Variants in PDXDC1 observed in about 807,000 individuals in gnomAD.
PDXDC1 encodes the protein pyridoxal dependent decarboxylase domain containing 1.
A neutral mutation model predicts 100.1 loss-of-function variants in PDXDC1; 42 were observed. That is an observed-to-expected ratio of 0.42 (90% CI 0.33 to 0.54). The LOEUF (loss-of-function observed/expected upper bound fraction) is 0.54, where lower values mean the gene tolerates loss of function less well. PDXDC1 is among the 20% of genes least tolerant of loss of function. PDXDC1 has a pLI of 0.10. For missense variants in PDXDC1, 636 were observed against 979.2 expected (o/e 0.65, Z 4.68); for synonymous variants, 260 against 371.7 (o/e 0.70, Z 3.46).
At chr16:15,044,689 G>C (rs1275948543) in intron 16 of PDXDC1, 10 of 498,786 alleles carry the variant, frequency 2.0e-5, no homozygotes, top group Non-Finnish European at 3.2e-5. Context: ...TGCTCTGGAA[G>C]AGCACAGGCA....
chr16:15,137,280 G>A (rs1028531216), intron 16 of PDXDC1: 7 of 836,856 alleles, frequency 8.4e-6, no homozygotes, highest in Non-Finnish European at 1.3e-5. Flanking sequence ...TGCTGGAGGA[G>A]GGTGGGGCCC....
chr16:15,028,286 C>T (rs2042780216), intron 14 of PDXDC1, among the ~76,000 whole-genome samples: 1 of 152,296 alleles, frequency 6.6e-6, no homozygotes, highest in African/African-American at 2.4e-5. Context: ...GCCAGCTCCT[C>T]CTCACCATTT....
chr16:15,089,573 G>A (rs2046037581), intron 16 of PDXDC1, among the ~76,000 whole-genome samples: 2 of 151,962 alleles, frequency 1.3e-5, no homozygotes. Flanking sequence ...GGCCAAGGCG[G>A]GCGGATCACG....
At position 15,104,582 on chromosome 16, in the gene PDXDC1, G is replaced by C. The variant is rs779033142; in HGVS notation, c.1400-34297G>C. The C allele has an allele frequency of 1.0e-4, 165 of 1,599,552 alleles. 1 individual carries two copies. Among genetic ancestry groups the C allele is most frequent in the Admixed American group, 1.5e-4 (9 of 59,910 alleles). On this transcript the variant is annotated intron_variant, in intron 16 of 16. Transcript: ENST00000535621. ...GATTATCATCCGCTGAGGGTGGAAGGGGATAGAGCAGACACTCCGCAGGTG... is the reference window on the plus strand; with the variant it reads ...GATTATCATCCGCTGAGGGTGGAAGCGGATAGAGCAGACACTCCGCAGGTG...
intron 16 of PDXDC1, chr16:15,131,731 G>A (rs2048071653): frequency 6.3e-6 from 8 of 1,274,170 alleles, no homozygotes; most frequent in Non-Finnish European, 8.3e-6. Flanking sequence ...TGAGGTCAGT[G>A]CAGAGACAGG....
intron 16 of PDXDC1, among the ~76,000 whole-genome samples, chr16:15,081,172 T>C (rs1281544255): frequency 6.6e-6 from 1 of 152,248 alleles, no homozygotes; most frequent in East Asian, 1.9e-4. Context: ...GATGCTGCTA[T>C]GACCATCCAT....
intron 14 of PDXDC1, among the ~76,000 whole-genome samples, chr16:15,027,716 G>A (rs1474172489): frequency 5.3e-5 from 8 of 152,272 alleles, no homozygotes; most frequent in Admixed American, 2.0e-4. Context: ...CTCTTCTGCC[G>A]GCCTGCTCTC....
intron 1 of PDXDC1, among the ~76,000 whole-genome samples, chr16:14,981,435 C>T (rs1487665151): frequency 2.0e-5 from 3 of 152,286 alleles, no homozygotes; most frequent in Non-Finnish European, 4.4e-5. Flanking sequence ...TTAAACACTG[C>T]CTATAAAGCT....
At position 15,016,098 on chromosome 16, in the gene PDXDC1, C is replaced by A. The variant is rs551870023; in HGVS notation, c.728-31C>A. On this transcript the variant is annotated intron_variant, in intron 8 of 22. Coordinates refer to ENST00000396410, the MANE Select transcript of PDXDC1 (RefSeq NM_015027.4). ...TATAAAGCCTTAGAAAACATTTGTT[C>A]CTTTTAATGCCCTGATGTGTTTTAT... 4 of 1,614,064 alleles carry A rather than the reference C, an allele frequency of 2.5e-6. No individual in the cohort carries two copies. The South Asian group carries it at 4.4e-5, about 18-fold the overall frequency.
At chr16:15,051,794 G>A (rs888477354) in intron 16 of PDXDC1, among the ~76,000 whole-genome samples, 4 of 149,644 alleles carry the variant, frequency 2.7e-5, no homozygotes, top group African/African-American at 9.9e-5. Flanking sequence ...TCAAACTCCT[G>A]GGCTCAAGCA....
intron 16 of PDXDC1, chr16:15,131,318 T>A (rs1286249517): frequency 6.4e-7 from 1 of 1,567,688 alleles, no homozygotes; most frequent in Non-Finnish European, 8.7e-7. Flanking sequence ...TGGAACGCCA[T>A]CGAGGCCACC....
At chr16:15,139,977 G>T (rs1375116967), downstream of PDXDC1, among the ~76,000 whole-genome samples, 1 of 150,148 alleles carries the variant, frequency 6.7e-6, no homozygotes, top group Non-Finnish European at 1.5e-5. Context: ...GAGCCTGTTA[G>T]TGCCAGCCAC....
At chr16:14,978,896 G>A (rs1179964310) in intron 1 of PDXDC1, among the ~76,000 whole-genome samples, 1 of 152,290 alleles carries the variant, frequency 6.6e-6, no homozygotes, top group Non-Finnish European at 1.5e-5. Context: ...TGCTGTTATG[G>A]GGGCTGGCCT....
At chr16:15,063,704 C>CAA (rs10664930) in intron 16 of PDXDC1, among the ~76,000 whole-genome samples, 12,857 of 88,406 alleles carry the variant, frequency 0.15, 1,127 homozygotes, top group Non-Finnish European at 0.16. Context: ...GACTCTGTCT[C>CAA]AAAAAAAAAA....
At chr16:15,039,389 G>A (rs986719573), downstream of PDXDC1, among the ~76,000 whole-genome samples, 10 of 152,092 alleles carry the variant, frequency 6.6e-5, no homozygotes, top group African/African-American at 2.2e-4. Context: ...TGTGATTTCC[G>A]TTTTTTCACA....
At chr16:15,148,350 A>ATCTC in the PDXDC1 span, among the ~76,000 whole-genome samples, 1 of 142,080 alleles carries the variant, frequency 7.0e-6, no homozygotes, top group Non-Finnish European at 1.5e-5. Flanking sequence ...CTTTGGAGAA[A>ATCTC]TCTCTGTTCA....
At chr16:15,051,062 G>A (rs1478029689) in intron 16 of PDXDC1, among the ~76,000 whole-genome samples, 2 of 152,062 alleles carry the variant, frequency 1.3e-5, no homozygotes, top group South Asian at 2.1e-4. Context: ...AGAATAACAG[G>A]GGAGAATTCA....
chr16:15,143,913 G>A (rs765169965), downstream of PDXDC1, among the ~76,000 whole-genome samples: 97 of 152,308 alleles, frequency 6.4e-4, no homozygotes, highest in Non-Finnish European at 6.9e-4. Context: ...TGTGGTCAGC[G>A]GCGGGCGTGT....
rs1321814185 is a variant in PDXDC1, at chr16:15,036,224, A to C, written c.2316A>C (p.Pro772=). The change falls in exon 23 of 23, where the codon CCA becomes CCC. Residue 772 remains proline, a synonymous_variant. Transcript: ENST00000396410. ...DQTEAFQKGV[P]HPEDDHSQVE... is the part of the protein sequence containing the mutation. The stretch of plus-strand genomic sequence containing the variant: ...CCGAGGCCTTCCAGAAAGGGGTCCC[A>C]CACCCAGAAGATGACCACTCACAGG... 1 of 1,614,002 alleles carries C rather than the reference A, an allele frequency of 6.2e-7. No homozygotes were observed. Among genetic ancestry groups the C allele is most frequent in the Non-Finnish European group, 8.5e-7 (1 of 1,179,980 alleles).
Sources: allele counts gnomAD v4.1 joint callset (sites outside exome capture counted in the v4.1 genomes callset), GRCh38; gene constraint gnomAD v4.1.1; transcripts MANE v1.5; gene names NCBI Gene and HGNC (gene_info 2026-07-23, HGNC 2026-07-21).